TRIM61: variants seen among roughly 807,000 people sequenced by gnomAD.
The protein encoded by TRIM61 is tripartite motif containing 61, also known as putative tripartite motif-containing protein 61.
TRIM61 carries 1 observed loss-of-function variant against 14.2 expected under a neutral mutation model. The ratio of observed to expected loss-of-function variants is 0.07; its 90% CI spans 0.03 to 0.33. The LOEUF (loss-of-function observed/expected upper bound fraction) is 0.33, where lower values mean the gene tolerates loss of function less well. Among genes scored for constraint, TRIM61 ranks in the 10% least tolerant of loss-of-function variants. The pLI, the probability that TRIM61 is intolerant of heterozygous loss-of-function variation, is 0.99. For synonymous variants in TRIM61, 8 were observed against 71.6 expected (o/e 0.11, Z 4.49); for missense variants, 19 against 202.2 (o/e 0.09, Z 5.49).
At chr4:164,974,588 T>C (rs1202135284) in intron 2 of TRIM61, among the ~76,000 whole-genome samples, 2 of 151,796 alleles carry the variant, frequency 1.3e-5, no homozygotes, top group Admixed American at 1.3e-4. Flanking sequence ...ACAGAAAACA[T>C]AGAATAATGG....
intron 3 of TRIM61, chr4:164,959,249 C>T (rs2111133276): frequency 6.1e-6 from 1 of 162,944 alleles, no homozygotes; most frequent in South Asian, 2.1e-4. Flanking sequence ...TCCTGAAGCC[C>T]TCTGTCATCT....
chr4:164,966,661 C>A (rs1224793834), intron 3 of TRIM61, among the ~76,000 whole-genome samples: 1 of 152,150 alleles, frequency 6.6e-6, no homozygotes, highest in African/African-American at 2.4e-5. Context: ...GTCTGTAATT[C>A]CAGCACTTTG....
chr4:164,972,280 A>T (rs541231375), intron 2 of TRIM61, among the ~76,000 whole-genome samples: 1 of 152,226 alleles, frequency 6.6e-6, no homozygotes, highest in African/African-American at 2.4e-5. Context: ...AATGGGAAGT[A>T]TAACAACCTC....
chr4:164,968,702 T>C (rs1229711777), intron 3 of TRIM61: 1 of 984,294 alleles, frequency 1.0e-6, no homozygotes, highest in African/African-American at 1.7e-5. Flanking sequence ...AAGAGATCTA[T>C]CATTCAAATT....
chr4:164,976,761 G>T lies in TRIM61; in HGVS notation c.-411C>A, dbSNP rs1258265467. On this transcript the variant is annotated 5_prime_UTR_variant, in exon 2 of 5. Coordinates refer to ENST00000329314, the MANE Select transcript of TRIM61 (RefSeq NM_001012414.3). ...CATCCCCAGTTTCTGACTCAGTAGG[G>T]CTGGTTTTTTCCTAAGTTCCCAGAT... 1.3e-5 allele frequency: 2 copies of T among 152,178 alleles called. No individual in the cohort carries two copies. The highest frequency in any genetic ancestry group is 4.8e-5 in the African/African-American group (2 of 41,422). 9.4% of individuals were successfully genotyped at this position (152,178 alleles called of 1,614,324 possible).
chr4:164,962,677 CACT>C lies in TRIM61; in HGVS notation c.525+6798_525+6800del, dbSNP rs1486753626. On this transcript the variant is annotated intron_variant, in intron 3 of 4. Transcript: ENST00000329314. ...AGGGAATTCATTGCCATCAAGTGGA[CACT>C]ACAAGAAATGTTAAAAAAAAAAAAA... Among the ~76,000 whole-genome samples the C allele has an allele frequency of 2.2e-5, 3 of 137,180 alleles. No individual in the cohort carries two copies. In the South Asian group the frequency reaches 7.5e-4, roughly 34 times the overall value. 90.0% of individuals were successfully genotyped at this position (137,180 alleles called of 152,430 possible).
chr4:164,967,240 A>G (rs750900117), intron 3 of TRIM61, among the ~76,000 whole-genome samples: 4 of 152,252 alleles, frequency 2.6e-5, no homozygotes. Context: ...CAATTACATA[A>G]AAATTCATTG....
intron 3 of TRIM61, among the ~76,000 whole-genome samples, chr4:164,955,777 C>A (rs1731973664): frequency 6.6e-6 from 1 of 151,998 alleles, no homozygotes; most frequent in African/African-American, 2.4e-5. Flanking sequence ...ACACACACAC[C>A]CAGATGGAAG....
chr4:164,968,556 C>T, intron 3 of TRIM61: 3 of 985,730 alleles, frequency 3.0e-6, no homozygotes, highest in Non-Finnish European at 3.6e-6. Context: ...GTTATGTCTA[C>T]TAGGTGAAAG....
intron 3 of TRIM61, chr4:164,956,834 C>G: frequency 1.6e-6 from 1 of 606,280 alleles, no homozygotes; most frequent in Non-Finnish European, 2.8e-6. Flanking sequence ...ACAAGGCTCT[C>G]AAGGGGCTTC....
At chr4:164,969,107 A>G (rs1348783779) in intron 3 of TRIM61, 2 of 1,106,114 alleles carry the variant, frequency 1.8e-6, no homozygotes, top group East Asian at 1.6e-4. Context: ...TTCAGGATCT[A>G]GAATTACATC....
intron 3 of TRIM61, chr4:164,957,038 G>A: frequency 4.7e-6 from 7 of 1,498,646 alleles, no homozygotes; most frequent in Non-Finnish European, 6.2e-6. Flanking sequence ...AGGATGCGCG[G>A]TGCGGCGGGG....
intron 3 of TRIM61, among the ~76,000 whole-genome samples, chr4:164,961,486 G>C (rs899744593): frequency 1.3e-5 from 2 of 151,556 alleles, no homozygotes; most frequent in African/African-American, 4.8e-5. Context: ...AGTATCAAAT[G>C]GTGTCATTTG....
At chr4:164,966,979 G>A (rs1732257461) in intron 3 of TRIM61, among the ~76,000 whole-genome samples, 1 of 151,964 alleles carries the variant, frequency 6.6e-6, no homozygotes, top group African/African-American at 2.4e-5. Context: ...CACAGGAAGA[G>A]ATACAGATGT....
rs140126742 is a variant in TRIM61, at chr4:164,972,251, G to A, written c.-337-1912C>T. Among the ~76,000 whole-genome samples the A allele has an allele frequency of 7.0e-3, 1,062 of 152,098 alleles. 7 individuals are homozygous for A. Among genetic ancestry groups the A allele is most frequent in the Middle Eastern group, 0.014 (4 of 294 alleles). On this transcript the variant is annotated intron_variant, in intron 2 of 4. Coordinates refer to ENST00000329314, the MANE Select transcript of TRIM61 (RefSeq NM_001012414.3). ...AAATCGATGTGTCTTTTTTTGAATC[G>A]CATTTCTTTGACCTGTAAAATGGGA...
chr4:164,971,260 C>T (rs994225947), intron 2 of TRIM61, among the ~76,000 whole-genome samples: 3 of 151,966 alleles, frequency 2.0e-5, no homozygotes, highest in African/African-American at 4.8e-5. Context: ...TGATGCACAG[C>T]GGGAAGCCAT....
At chr4:164,963,833 C>T (rs753663662) in intron 3 of TRIM61, among the ~76,000 whole-genome samples, 4 of 151,596 alleles carry the variant, frequency 2.6e-5, no homozygotes, top group African/African-American at 4.8e-5. Flanking sequence ...TCTGGGAAAT[C>T]CACAAAAAAT....
At chr4:164,976,199 A>C (rs1391692541) in intron 2 of TRIM61, among the ~76,000 whole-genome samples, 2 of 152,208 alleles carry the variant, frequency 1.3e-5, no homozygotes, top group Non-Finnish European at 2.9e-5. Context: ...TGAAAATAAT[A>C]ATCAATAAAA....
chr4:164,961,757 GAAAA>G (rs1157178617), intron 3 of TRIM61, among the ~76,000 whole-genome samples: 4 of 152,208 alleles, frequency 2.6e-5, no homozygotes, highest in African/African-American at 9.6e-5. Context: ...TCAAACTGCT[GAAAA>G]TTAAAATCAA....
Sources: allele counts gnomAD v4.1 joint callset (sites outside exome capture counted in the v4.1 genomes callset), GRCh38; gene constraint gnomAD v4.1.1; transcripts MANE v1.5; gene names NCBI Gene and HGNC (gene_info 2026-07-23, HGNC 2026-07-21).